The following NRG3 variants were observed in gnomAD, a reference collection of about 807,000 sequenced individuals.
The protein encoded by NRG3 is neuregulin 3, also known as pro-neuregulin-3, membrane-bound isoform.
In NRG3, 31 loss-of-function variants were observed where a neutral mutation model predicts 66.9. The observed-to-expected ratio is 0.46, with a 90% CI of 0.35 to 0.63. NRG3 has a LOEUF of 0.63. Among genes scored for constraint, NRG3 ranks in the 20% least tolerant of loss-of-function variants. NRG3 has a pLI of 0.00. For synonymous variants in NRG3, 393 were observed against 359.4 expected (o/e 1.09, Z -1.06); for missense variants, 910 against 878.9 (o/e 1.04, Z -0.45).
intron 1 of NRG3, among the ~76,000 whole-genome samples, chr10:82,013,613 G>A (rs1235813966): frequency 1.3e-5 from 2 of 151,938 alleles, no homozygotes; most frequent in Admixed American, 6.6e-5. Flanking sequence ...GAAATTCAAC[G>A]TCGTATGTTT....
At chr10:82,447,684 A>G (rs371350519) in intron 2 of NRG3, among the ~76,000 whole-genome samples, 45 of 152,354 alleles carry the variant, frequency 3.0e-4, no homozygotes, top group African/African-American at 9.9e-4. Flanking sequence ...GCAGAGTTGC[A>G]TTCCTCTCTT....
rs189044504 is a variant in NRG3 at position 82,928,187 on chromosome 10, G to T, written c.1055-23282G>T. ...ATATCCTTTGCCTACTTTTTGATGG[G>T]TTTTTTTTTCTTGTAAATTTGTTTA... On this transcript the variant is annotated intron_variant, in intron 4 of 8. Transcript: ENST00000372141. Among the ~76,000 whole-genome samples, 433 of 150,746 alleles carry T rather than the reference G, an allele frequency of 2.9e-3. 3 individuals carry two copies. The highest frequency in any genetic ancestry group is 0.026 in the East Asian group (135 of 5,132).
At chr10:81,924,264 G>A (rs1253841721) in intron 1 of NRG3, among the ~76,000 whole-genome samples, 2 of 152,192 alleles carry the variant, frequency 1.3e-5, no homozygotes, top group African/African-American at 4.8e-5. Context: ...AATGATGTTT[G>A]TATTAAGGTA....
intron 1 of NRG3, among the ~76,000 whole-genome samples, chr10:82,266,679 C>A (rs1470350043): frequency 6.6e-6 from 1 of 152,094 alleles, no homozygotes; most frequent in Non-Finnish European, 1.5e-5. Context: ...AATGTTCTAC[C>A]AAAAACCTTG....
At chr10:82,485,835 G>T (rs1564978095) in intron 2 of NRG3, among the ~76,000 whole-genome samples, 1 of 151,858 alleles carries the variant, frequency 6.6e-6, no homozygotes, top group South Asian at 2.1e-4. Flanking sequence ...TACAGAAAAA[G>T]AAACAGTTAA....
chr10:82,439,241 A>T (rs968690207), intron 2 of NRG3, among the ~76,000 whole-genome samples: 1 of 152,136 alleles, frequency 6.6e-6, no homozygotes, highest in Non-Finnish European at 1.5e-5. Flanking sequence ...ATTTTGTTTG[A>T]AATTGTATTA....
chr10:82,114,229 A>G (rs1169138701), intron 1 of NRG3, among the ~76,000 whole-genome samples: 2 of 152,130 alleles, frequency 1.3e-5, no homozygotes, highest in East Asian at 3.9e-4. Context: ...TAGGTGATGC[A>G]TATTTGAGTT....
At chr10:82,526,926 A>T (rs1846757897) in intron 2 of NRG3, among the ~76,000 whole-genome samples, 1 of 152,098 alleles carries the variant, frequency 6.6e-6, no homozygotes, top group South Asian at 2.1e-4. Context: ...AGGTGTGGTC[A>T]TGTAAATTTA....
chr10:82,378,917 CT>C (rs1023470518), intron 2 of NRG3, among the ~76,000 whole-genome samples: 8 of 152,022 alleles, frequency 5.3e-5, no homozygotes, highest in African/African-American at 1.9e-4. Flanking sequence ...GCCTGGTGTG[CT>C]ATATCACTCA....
intron 2 of NRG3, among the ~76,000 whole-genome samples, chr10:82,597,782 A>T (rs1178113664): frequency 4.6e-5 from 7 of 151,940 alleles, no homozygotes; most frequent in Non-Finnish European, 1.0e-4. Context: ...TTAGCTGGGC[A>T]TGGTGGCATG....
chr10:82,031,699 C>T (rs532474058), intron 1 of NRG3, among the ~76,000 whole-genome samples: 4 of 152,118 alleles, frequency 2.6e-5, no homozygotes, highest in African/African-American at 9.6e-5. Flanking sequence ...AATAAACAAA[C>T]GCACTTCTTG....
chr10:82,322,686 T>G (rs1349191328), intron 1 of NRG3, among the ~76,000 whole-genome samples: 1 of 152,228 alleles, frequency 6.6e-6, no homozygotes, highest in Non-Finnish European at 1.5e-5. Context: ...TATTAATCTT[T>G]GAGAATCTTT....
chr10:81,884,841 C>T (rs962043977), intron 1 of NRG3, among the ~76,000 whole-genome samples: 3 of 152,108 alleles, frequency 2.0e-5, no homozygotes, highest in Admixed American at 1.3e-4. Flanking sequence ...CATGCATATA[C>T]CTATTAATGC....
intron 1 of NRG3, among the ~76,000 whole-genome samples, chr10:82,195,979 G>T (rs1157927241): frequency 6.6e-6 from 1 of 152,104 alleles, no homozygotes; most frequent in Non-Finnish European, 1.5e-5. Flanking sequence ...AGTCCAATGA[G>T]ACTAGTTTCA....
chr10:82,253,936 T>C (rs1157493830), intron 1 of NRG3, among the ~76,000 whole-genome samples: 1 of 152,190 alleles, frequency 6.6e-6, no homozygotes, highest in Non-Finnish European at 1.5e-5. Flanking sequence ...TTGCATTTGT[T>C]ACTTATATAC....
At chr10:82,353,112 G>A (rs993226015) in intron 1 of NRG3, among the ~76,000 whole-genome samples, 2 of 152,136 alleles carry the variant, frequency 1.3e-5, no homozygotes, top group African/African-American at 4.8e-5. Flanking sequence ...TGGACAATGG[G>A]ATCAGTGGTG....
intron 2 of NRG3, among the ~76,000 whole-genome samples, chr10:82,550,532 G>C (rs1169373232): frequency 1.3e-5 from 2 of 152,118 alleles, no homozygotes; most frequent in African/African-American, 4.8e-5. Flanking sequence ...ATGACATAGG[G>C]TTGTCATGGG....
chr10:82,198,033 C>A (rs2074538693), intron 1 of NRG3, among the ~76,000 whole-genome samples: 1 of 152,062 alleles, frequency 6.6e-6, no homozygotes. Flanking sequence ...TTTTGAAAAT[C>A]CATGAACATT....
chr10:81,897,311 T>C (rs964043991), intron 1 of NRG3, among the ~76,000 whole-genome samples: 3 of 152,088 alleles, frequency 2.0e-5, no homozygotes, highest in Non-Finnish European at 4.4e-5. Flanking sequence ...GGTGTTGATA[T>C]GCTGTATGTT....
Sources: allele counts gnomAD v4.1 joint callset (sites outside exome capture counted in the v4.1 genomes callset), GRCh38; gene constraint gnomAD v4.1.1; transcripts MANE v1.5; gene names NCBI Gene and HGNC (gene_info 2026-07-23, HGNC 2026-07-21).